SH3BGRL2: variants seen among roughly 807,000 people sequenced by gnomAD.
SH3BGRL2 encodes SH3 domain-binding glutamic acid-rich-like protein 2.
In SH3BGRL2, 21 loss-of-function variants were observed where a neutral mutation model predicts 14.8. That is an observed-to-expected ratio of 1.42 (90% CI 1.01 to 2.05). The LOEUF is 2.05. Ranked by LOEUF, SH3BGRL2 falls within the 30% of genes most tolerant of loss-of-function variation. SH3BGRL2 has a pLI of 0.00. For synonymous variants in SH3BGRL2, 50 were observed against 47.8 expected (o/e 1.05, Z -0.19); for missense variants, 147 against 130.8 (o/e 1.12, Z -0.61).
At chr6:79,657,851 T>C (rs1769456657) in intron 1 of SH3BGRL2, among the ~76,000 whole-genome samples, 2 of 152,196 alleles carry the variant, frequency 1.3e-5, no homozygotes, top group Admixed American at 1.3e-4. Context: ...ATTATACAAA[T>C]AATTAAAAGC....
intron 2 of SH3BGRL2, among the ~76,000 whole-genome samples, chr6:79,695,609 T>C (rs1562160551): frequency 6.6e-6 from 1 of 152,198 alleles, no homozygotes; most frequent in African/African-American, 2.4e-5. Context: ...CTCTCACTTA[T>C]TAGCTGTCAA....
the SH3BGRL2 span, among the ~76,000 whole-genome samples, chr6:79,593,676 T>G: frequency 6.6e-6 from 1 of 152,166 alleles, no homozygotes; most frequent in African/African-American, 2.4e-5. Context: ...TCATGGAGGT[T>G]TGTAGTCATT....
At chr6:79,572,885 C>T in the SH3BGRL2 span, among the ~76,000 whole-genome samples, 8 of 152,260 alleles carry the variant, frequency 5.3e-5, no homozygotes, top group Non-Finnish European at 1.2e-4. Context: ...TGTACACATA[C>T]TCTATGCTAA....
At chr6:79,596,240 C>T in the SH3BGRL2 span, among the ~76,000 whole-genome samples, 1 of 152,224 alleles carries the variant, frequency 6.6e-6, no homozygotes, top group Non-Finnish European at 1.5e-5. Flanking sequence ...ATTACTGCAG[C>T]CTCGACTTGC....
the SH3BGRL2 span, chr6:79,561,625 A>C: frequency 6.6e-6 from 1 of 152,236 alleles, no homozygotes; most frequent in South Asian, 2.1e-4. Context: ...CGAGCAAGAT[A>C]TCTTCTCAGA....
intron 1 of SH3BGRL2, among the ~76,000 whole-genome samples, chr6:79,642,226 C>T (rs1224471811): frequency 6.6e-6 from 1 of 152,024 alleles, no homozygotes; most frequent in Non-Finnish European, 1.5e-5. Context: ...GTCTTCATTC[C>T]CTAAATAATA....
the SH3BGRL2 span, among the ~76,000 whole-genome samples, chr6:79,567,224 A>G: frequency 6.6e-6 from 1 of 152,006 alleles, no homozygotes; most frequent in Admixed American, 6.6e-5. Context: ...TAGAAAAATT[A>G]TAATGAATGA....
intron 1 of SH3BGRL2, among the ~76,000 whole-genome samples, chr6:79,647,910 A>G (rs903807150): frequency 4.0e-5 from 6 of 151,790 alleles, no homozygotes; most frequent in Non-Finnish European, 8.8e-5. Flanking sequence ...AGACTTAATG[A>G]CCCCTTTTTT....
chr6:79,647,767 A>G (rs1328629745), intron 1 of SH3BGRL2, among the ~76,000 whole-genome samples: 1 of 152,192 alleles, frequency 6.6e-6, no homozygotes, highest in Non-Finnish European at 1.5e-5. Flanking sequence ...TTACTTATTT[A>G]AAAGACGCCA....
the SH3BGRL2 span, among the ~76,000 whole-genome samples, chr6:79,590,830 ATAAAT>A: frequency 2.0e-5 from 3 of 152,110 alleles, no homozygotes; most frequent in African/African-American, 7.2e-5. Context: ...TCCAAAATAA[ATAAAT>A]TAATTAATTA....
Position 79,699,641 on chromosome 6 carries a change from G to T in SH3BGRL2, c.*132G>T. ...AGTAACTTTGCTTGCCACGGAAAAGGTGTTTTTGAAAGATGTGGCTATAAT... is the reference window on the plus strand; with the variant it reads ...AGTAACTTTGCTTGCCACGGAAAAGTTGTTTTTGAAAGATGTGGCTATAAT... On this transcript the variant is annotated 3_prime_UTR_variant, in exon 4 of 4. Transcript: ENST00000369838. 8.0e-7 allele frequency: 1 copy of T among 1,254,576 alleles called. No individual in the cohort carries two copies. Among genetic ancestry groups the T allele is most frequent in the Non-Finnish European group, 1.1e-6 (1 of 947,806 alleles). The allele number at this position is 1,254,576 out of a possible 1,614,324, so 77.7% of individuals were successfully genotyped here. A position where few individuals can be genotyped will look rare whatever the true frequency, so the allele number is the denominator to read the frequency against.
intron 1 of SH3BGRL2, among the ~76,000 whole-genome samples, chr6:79,646,895 A>G (rs973118822): frequency 2.8e-4 from 42 of 152,174 alleles, no homozygotes; most frequent in Non-Finnish European, 6.0e-4. Context: ...GCTGAATAAT[A>G]CTCTGTGGTA....
chr6:79,551,947 C>T, the SH3BGRL2 span, among the ~76,000 whole-genome samples: 17 of 152,122 alleles, frequency 1.1e-4, no homozygotes, highest in East Asian at 7.8e-4. Context: ...AAAAATTAGC[C>T]GGGTGTGGTG....
At chr6:79,626,411 A>G (rs143696928), upstream of SH3BGRL2, among the ~76,000 whole-genome samples, 2 of 152,234 alleles carry the variant, frequency 1.3e-5, no homozygotes, top group African/African-American at 2.4e-5. Context: ...CTACCATCAA[A>G]TTTCCAAAGA....
chr6:79,656,060 C>T (rs1769406116), intron 1 of SH3BGRL2, among the ~76,000 whole-genome samples: 1 of 152,174 alleles, frequency 6.6e-6, no homozygotes, highest in South Asian at 2.1e-4. Flanking sequence ...GTTTTTAAAG[C>T]AGAGGCATGA....
the SH3BGRL2 span, among the ~76,000 whole-genome samples, chr6:79,541,889 C>T: frequency 2.0e-5 from 3 of 152,186 alleles, no homozygotes; most frequent in Non-Finnish European, 4.4e-5. Flanking sequence ...TTAAGAAAAA[C>T]TCTTGTAATT....
chr6:79,573,571 T>C, the SH3BGRL2 span, among the ~76,000 whole-genome samples: 1 of 152,182 alleles, frequency 6.6e-6, no homozygotes, highest in Admixed American at 6.5e-5. Context: ...GGAATTGTGA[T>C]GAATTTGAAG....
chr6:79,671,050 C>T (rs967543451), intron 1 of SH3BGRL2, among the ~76,000 whole-genome samples: 5 of 152,032 alleles, frequency 3.3e-5, no homozygotes, highest in African/African-American at 9.7e-5. Flanking sequence ...AACCAGCCTT[C>T]TGTATTTAGA....
the SH3BGRL2 span, among the ~76,000 whole-genome samples, chr6:79,538,824 T>C: frequency 6.6e-6 from 1 of 152,234 alleles, no homozygotes; most frequent in African/African-American, 2.4e-5. Flanking sequence ...CATTCCATCT[T>C]CATTCATGAC....
Sources: allele counts gnomAD v4.1 joint callset (sites outside exome capture counted in the v4.1 genomes callset), GRCh38; gene constraint gnomAD v4.1.1; transcripts MANE v1.5; gene names NCBI Gene and HGNC (gene_info 2026-07-23, HGNC 2026-07-21).